ROBO1: variants seen among roughly 807,000 people sequenced by gnomAD.
ROBO1 encodes the protein roundabout homolog 1.
A neutral mutation model predicts 195.9 loss-of-function variants in ROBO1; 149 were observed. The ratio of observed to expected loss-of-function variants is 0.76; its 90% CI spans 0.67 to 0.87. The LOEUF (loss-of-function observed/expected upper bound fraction) is 0.87, where lower values mean the gene tolerates loss of function less well. ROBO1 is among the 40% of genes least tolerant of loss of function. The pLI, the probability that ROBO1 is intolerant of heterozygous loss-of-function variation, is 0.00. For synonymous variants in ROBO1, 816 were observed against 733.2 expected (o/e 1.11, Z -1.82); for missense variants, 1,933 against 2,068.3 (o/e 0.93, Z 1.27).
At chr3:78,631,096 A>T (rs1705150763) in intron 25 of ROBO1, 65 bp downstream of exon 25, 2 of 1,515,082 alleles carry the variant, frequency 1.3e-6, no homozygotes. Context: ...TAGTATAATA[A>T]TTGCTGAAAA....
intron 2 of ROBO1, among the ~76,000 whole-genome samples, chr3:79,168,030 A>G (rs770505923): frequency 6.6e-6 from 1 of 152,158 alleles, no homozygotes; most frequent in Non-Finnish European, 1.5e-5. Flanking sequence ...CTTGTACCAC[A>G]TGTTGGTCAA....
chr3:79,571,221 GC>G (rs1418651867), intron 2 of ROBO1, among the ~76,000 whole-genome samples: 1 of 151,954 alleles, frequency 6.6e-6, no homozygotes, highest in Non-Finnish European at 1.5e-5. Flanking sequence ...CCTTCCAAAG[GC>G]CAAAAGTAAT....
At chr3:79,425,624 A>G (rs1376771346) in intron 2 of ROBO1, among the ~76,000 whole-genome samples, 4 of 152,128 alleles carry the variant, frequency 2.6e-5, no homozygotes, top group African/African-American at 9.7e-5. Flanking sequence ...AGTCTACATA[A>G]AACAAAGATT....
At chr3:79,724,599 C>T (rs1702837857) in intron 1 of ROBO1, among the ~76,000 whole-genome samples, 1 of 152,198 alleles carries the variant, frequency 6.6e-6, no homozygotes. Context: ...CTTAGTGCCA[C>T]CTCTGGCCAA....
intron 3 of ROBO1, among the ~76,000 whole-genome samples, chr3:79,045,467 T>C (rs2078573276): frequency 6.6e-6 from 1 of 151,968 alleles, no homozygotes; most frequent in Non-Finnish European, 1.5e-5. Context: ...TTAATAATTA[T>C]AGAGAAACAT....
intron 3 of ROBO1, among the ~76,000 whole-genome samples, chr3:79,049,010 C>T (rs1413926772): frequency 1.3e-5 from 2 of 152,128 alleles, no homozygotes; most frequent in African/African-American, 4.8e-5. Flanking sequence ...ATCACACATC[C>T]TCACCAGCAA....
chr3:78,727,635 T>C (rs185074344), intron 5 of ROBO1, among the ~76,000 whole-genome samples: 51 of 152,296 alleles, frequency 3.3e-4, no homozygotes, highest in Non-Finnish European at 1.5e-4. Context: ...AGAAAAAAAC[T>C]ACATCTCTTA....
intron 5 of ROBO1, among the ~76,000 whole-genome samples, chr3:78,728,560 T>G (rs2082217724): frequency 6.6e-6 from 1 of 152,172 alleles, no homozygotes; most frequent in Non-Finnish European, 1.5e-5. Context: ...GGGTATTTCA[T>G]CATTTACAGC....
chr3:78,960,730 T>C (rs1023344569), intron 3 of ROBO1, among the ~76,000 whole-genome samples: 2 of 146,446 alleles, frequency 1.4e-5, no homozygotes, highest in African/African-American at 5.1e-5. Context: ...TGAGCCGAGA[T>C]TGCGCCACTG....
chr3:78,925,511 T>C (rs2039160724), intron 4 of ROBO1, among the ~76,000 whole-genome samples: 1 of 152,194 alleles, frequency 6.6e-6, no homozygotes. Context: ...CAATCACTCA[T>C]TTCCACTGTG....
At chr3:78,736,549 G>C (rs562108430) in intron 5 of ROBO1, among the ~76,000 whole-genome samples, 42 of 152,246 alleles carry the variant, frequency 2.8e-4, no homozygotes, top group Admixed American at 2.0e-3. Flanking sequence ...GAACATTACA[G>C]ATAGAAAACC....
intron 2 of ROBO1, among the ~76,000 whole-genome samples, chr3:79,504,241 T>C (rs1940271806): frequency 6.6e-6 from 1 of 152,160 alleles, no homozygotes; most frequent in Non-Finnish European, 1.5e-5. Context: ...GATACATTTT[T>C]ATTATCTTCA....
intron 2 of ROBO1, among the ~76,000 whole-genome samples, chr3:79,213,903 G>A (rs1238410670): frequency 1.4e-5 from 2 of 139,436 alleles, no homozygotes; most frequent in Non-Finnish European, 3.0e-5. Flanking sequence ...TCGGCTCACT[G>A]CAACCTCTGC....
chr3:79,737,336 T>C (rs1036064540), intron 1 of ROBO1, among the ~76,000 whole-genome samples: 4 of 152,170 alleles, frequency 2.6e-5, no homozygotes, highest in African/African-American at 9.7e-5. Flanking sequence ...TATGCCACCA[T>C]CCATATTTCC....
intron 1 of ROBO1, among the ~76,000 whole-genome samples, chr3:79,707,963 A>G (rs1305042411): frequency 6.6e-6 from 1 of 152,184 alleles, no homozygotes; most frequent in Non-Finnish European, 1.5e-5. Context: ...GCTCTAAACA[A>G]TCACTAAGTG....
intron 27 of ROBO1, among the ~76,000 whole-genome samples, chr3:78,616,910 A>G (rs1172492675): frequency 6.6e-6 from 1 of 152,210 alleles, no homozygotes; most frequent in Non-Finnish European, 1.5e-5. Context: ...ATGTTGTAAC[A>G]TAAAGATGAA....
At chr3:79,216,557 CT>C (rs1330394184) in intron 2 of ROBO1, among the ~76,000 whole-genome samples, 1 of 151,966 alleles carries the variant, frequency 6.6e-6, no homozygotes, top group Admixed American at 6.6e-5. Flanking sequence ...CCAAGGGATC[CT>C]TTTCCCTTCC....
intron 25 of ROBO1, among the ~76,000 whole-genome samples, chr3:78,630,461 G>A (rs1705114541): frequency 6.6e-6 from 1 of 152,158 alleles, no homozygotes; most frequent in African/African-American, 2.4e-5. Context: ...GAGAATGAAG[G>A]AATGATGTCT....
intron 4 of ROBO1, among the ~76,000 whole-genome samples, chr3:78,898,597 G>T (rs919446809): frequency 6.6e-6 from 1 of 151,464 alleles, no homozygotes; most frequent in Non-Finnish European, 1.5e-5. Context: ...CACCGTGTTA[G>T]CCAGGATGGT....
Sources: allele counts gnomAD v4.1 joint callset (sites outside exome capture counted in the v4.1 genomes callset), GRCh38; gene constraint gnomAD v4.1.1; transcripts MANE v1.5; gene names NCBI Gene and HGNC (gene_info 2026-07-23, HGNC 2026-07-21).